NELL1: variants seen among roughly 807,000 people sequenced by gnomAD.
NELL1 encodes protein kinase C-binding protein NELL1.
NELL1 carries 76 observed loss-of-function variants against 107.4 expected under a neutral mutation model. That is an observed-to-expected ratio of 0.71 (90% CI 0.59 to 0.86). The LOEUF is 0.86. Ranked by LOEUF, NELL1 falls within the 40% of genes least tolerant of loss-of-function variation. The probability of loss-of-function intolerance (pLI) is 0.00; values close to 1 mark genes in which losing one functional copy is unlikely to be tolerated. For missense variants in NELL1, 1,024 were observed against 1,005.5 expected (o/e 1.02, Z -0.25); for synonymous variants, 353 against 341.2 (o/e 1.03, Z -0.38).
intron 4 of NELL1, among the ~76,000 whole-genome samples, chr11:20,855,074 T>C (rs1463527169): frequency 6.6e-6 from 1 of 152,244 alleles, no homozygotes; most frequent in African/African-American, 2.4e-5. Flanking sequence ...CTGTGGCGTA[T>C]TCATATCAAC....
At chr11:20,862,950 G>A (rs1037215951) in intron 4 of NELL1, among the ~76,000 whole-genome samples, 1 of 152,132 alleles carries the variant, frequency 6.6e-6, no homozygotes, top group Non-Finnish European at 1.5e-5. Context: ...GCATCCCAAG[G>A]CAGAAGAATT....
chr11:21,330,311 C>T (rs1850243565), intron 14 of NELL1, among the ~76,000 whole-genome samples: 6 of 152,064 alleles, frequency 3.9e-5, no homozygotes, highest in Admixed American at 3.9e-4. Context: ...ATTACCTTTA[C>T]TTGTGCTTCT....
Position 20,759,759 on chromosome 11 carries a change from T to C in NELL1, c.185-23921T>C, listed in dbSNP as rs533283519. 5.7e-4 allele frequency among the ~76,000 whole-genome samples: 87 copies of C among 152,300 alleles called. No individual in the cohort carries two copies. In the South Asian group the frequency reaches 5.8e-3, roughly 10 times the overall value. On this transcript the variant is annotated intron_variant, in intron 2 of 19. Coordinates refer to ENST00000357134, the MANE Select transcript of NELL1 (RefSeq NM_006157.5). ...CCTGATTGGCCTCCAGAGATGCAGG[T>C]CTTTAGAGATACTGTTGGAGACAGA...
At chr11:20,761,499 G>A (rs1159352491) in intron 2 of NELL1, among the ~76,000 whole-genome samples, 1 of 152,124 alleles carries the variant, frequency 6.6e-6, no homozygotes, top group Admixed American at 6.5e-5. Context: ...AGAATACCAG[G>A]GTTCATTTTC....
chr11:20,826,742 A>G lies in NELL1; in HGVS notation c.336-20841A>G, dbSNP rs940433472. On this transcript the variant is annotated intron_variant, in intron 3 of 19. Coordinates refer to ENST00000357134, the MANE Select transcript of NELL1 (RefSeq NM_006157.5). The stretch of plus-strand genomic sequence containing the variant: ...AGTTATTGCCATAAAAACCCCTCCA[A>G]GCAAGAATCAGCCTTAGTGGAACTA... 2.0e-5 allele frequency among the ~76,000 whole-genome samples: 3 copies of G among 151,122 alleles called. No homozygotes were observed. The Admixed American group carries it at 2.0e-4, about 10-fold the overall frequency.
intron 3 of NELL1, among the ~76,000 whole-genome samples, chr11:20,845,812 A>G (rs1300571258): frequency 1.3e-5 from 2 of 152,064 alleles, no homozygotes; most frequent in African/African-American, 2.4e-5. Flanking sequence ...GGGGAGGGAC[A>G]TATTTTACTT....
intron 12 of NELL1, among the ~76,000 whole-genome samples, chr11:21,110,801 G>C (rs571498510): frequency 8.5e-4 from 129 of 152,132 alleles, no homozygotes; most frequent in Non-Finnish European, 8.2e-4. Flanking sequence ...AGCGTACTCT[G>C]CTCCAATCAA....
chr11:21,034,150 A>T (rs1363000343), intron 12 of NELL1, among the ~76,000 whole-genome samples: 1 of 152,100 alleles, frequency 6.6e-6, no homozygotes, highest in African/African-American at 2.4e-5. Context: ...TGGGTTTTAC[A>T]TTTAAGTCTT....
At chr11:21,047,978 C>A (rs1449825731) in intron 12 of NELL1, among the ~76,000 whole-genome samples, 1 of 152,146 alleles carries the variant, frequency 6.6e-6, no homozygotes, top group Non-Finnish European at 1.5e-5. Flanking sequence ...GAGCTGAGGT[C>A]TTTTGCCTTT....
chr11:21,131,766 A>G (rs1166046228), intron 13 of NELL1, among the ~76,000 whole-genome samples: 1 of 152,218 alleles, frequency 6.6e-6, no homozygotes, highest in Non-Finnish European at 1.5e-5. Context: ...GATGTTTTAA[A>G]AGAATGTGTG....
chr11:21,079,015 A>G (rs1419975552), intron 12 of NELL1, among the ~76,000 whole-genome samples: 2 of 151,978 alleles, frequency 1.3e-5, no homozygotes, highest in Non-Finnish European at 2.9e-5. Flanking sequence ...AAAAATCAAC[A>G]ACATTAAGTT....
At chr11:20,696,726 C>G (rs1052381887) in intron 2 of NELL1, among the ~76,000 whole-genome samples, 2 of 152,080 alleles carry the variant, frequency 1.3e-5, no homozygotes, top group Non-Finnish European at 2.9e-5. Flanking sequence ...GACACTGTCA[C>G]AATAACTTTA....
chr11:21,000,482 C>A (rs1398195129), intron 12 of NELL1, among the ~76,000 whole-genome samples: 1 of 152,124 alleles, frequency 6.6e-6, no homozygotes, highest in Non-Finnish European at 1.5e-5. Context: ...CCCAATCTAG[C>A]AGTTAGGACA....
intron 12 of NELL1, among the ~76,000 whole-genome samples, chr11:21,067,304 A>T (rs1236719038): frequency 6.6e-6 from 1 of 152,200 alleles, no homozygotes; most frequent in Non-Finnish European, 1.5e-5. Context: ...CTGAAGTCAA[A>T]TGTCCTAGAT....
intron 15 of NELL1, among the ~76,000 whole-genome samples, chr11:21,432,785 C>T (rs751019538): frequency 7.2e-5 from 11 of 152,086 alleles, no homozygotes; most frequent in South Asian, 6.2e-4. Flanking sequence ...TATTTTGATA[C>T]ATGTATACAA....
chr11:21,289,141 A>G (rs1849194638), intron 14 of NELL1, among the ~76,000 whole-genome samples: 2 of 152,258 alleles, frequency 1.3e-5, no homozygotes, highest in South Asian at 4.1e-4. Context: ...AAAGGGGCAC[A>G]TAGGTGAGGA....
At chr11:20,906,373 A>G (rs1849998395) in intron 5 of NELL1, among the ~76,000 whole-genome samples, 1 of 152,098 alleles carries the variant, frequency 6.6e-6, no homozygotes, top group Admixed American at 6.6e-5. Context: ...TCAATCAAGT[A>G]AAGTCTGGGA....
chr11:20,928,847 A>G (rs1850556700), intron 9 of NELL1, among the ~76,000 whole-genome samples: 1 of 152,206 alleles, frequency 6.6e-6, no homozygotes, highest in Non-Finnish European at 1.5e-5. Context: ...CTAAATGATC[A>G]AGTTAAAGGC....
chr11:20,907,657 G>A (rs1268219287), intron 5 of NELL1, among the ~76,000 whole-genome samples: 1 of 152,072 alleles, frequency 6.6e-6, no homozygotes, highest in African/African-American at 2.4e-5. Flanking sequence ...ATAAAATCAT[G>A]TAGCTTGATG....
Sources: gnomAD v4.1 joint callset for allele counts (sites outside exome capture counted in the v4.1 genomes callset) on GRCh38, gnomAD v4.1.1 for gene constraint, MANE v1.5 for transcripts, NCBI Gene and HGNC (gene_info 2026-07-23, HGNC 2026-07-21) for gene names.